The following NXPE4 variants were observed in gnomAD, a reference collection of about 807,000 sequenced individuals.
NXPE4 encodes neurexophilin and PC-esterase domain family member 4, also known as NXPE family member 4.
Under a neutral mutation model 33.3 loss-of-function variants are expected in NXPE4, and 42 were observed. The ratio of observed to expected loss-of-function variants is 1.26; its 90% CI spans 0.98 to 1.63. NXPE4 has a LOEUF of 1.63. Ranked by LOEUF, NXPE4 falls within the 40% of genes most tolerant of loss-of-function variation. NXPE4 has a pLI of 0.00. For synonymous variants in NXPE4, 253 were observed against 234.9 expected, an observed-to-expected ratio of 1.08 and a Z score of -0.71; for missense variants, 709 against 647.6, an observed-to-expected ratio of 1.09 and a Z score of -1.03.
chr11:114,608,777 C>T, the NXPE4 span, among the ~76,000 whole-genome samples: 4 of 150,430 alleles, frequency 2.7e-5, no homozygotes, highest in African/African-American at 9.8e-5. Context: ...TCATGGATAA[C>T]CACGGTTACC....
chr11:114,581,532 T>A (rs929688851), intron 4 of NXPE4, among the ~76,000 whole-genome samples, 193 bp downstream of exon 4: 4 of 152,208 alleles, frequency 2.6e-5, no homozygotes, highest in South Asian at 4.1e-4. Flanking sequence ...TTACAGTTAC[T>A]AAAATAGGCT....
chr11:114,613,464 CATA>C, the NXPE4 span, among the ~76,000 whole-genome samples: 1 of 150,444 alleles, frequency 6.6e-6, no homozygotes. Flanking sequence ...TTACCTGCTG[CATA>C]ATAAGTATTG....
chr11:114,590,390 C>G (rs1051401643), intron 2 of NXPE4, among the ~76,000 whole-genome samples: 2 of 152,168 alleles, frequency 1.3e-5, no homozygotes, highest in African/African-American at 4.8e-5. Context: ...CTCCTTCCCC[C>G]TCCCTAAAAT....
chr11:114,626,230 G>C, the NXPE4 span, among the ~76,000 whole-genome samples: 10 of 152,212 alleles, frequency 6.6e-5, no homozygotes, highest in Non-Finnish European at 1.5e-4. Flanking sequence ...GCAGGGCACA[G>C]ACAAACAAAA....
chr11:114,574,789 C>A (rs1948961138), intron 5 of NXPE4, among the ~76,000 whole-genome samples: 1 of 151,960 alleles, frequency 6.6e-6, no homozygotes, highest in South Asian at 2.1e-4. Context: ...AAATCCTATT[C>A]ACACTATTCC....
In NXPE4 at chr11:114,571,425, A is replaced by G. The variant is rs1313388666; in HGVS notation, c.1148T>C (p.Leu383Pro). ...LHESGKLQHQLAVDLDRNINI... is the reference protein window; with the variant it reads ...LHESGKLQHQPAVDLDRNINI... ...GATGTTCCTATCCAAATCCACAGCA[A>G]GCTGGTGTTGCAATTTTCCAGATTC... The change falls in exon 6 of 6, where the codon CTT becomes CCT. Residue 383 changes from leucine to proline, a missense_variant. Transcript: ENST00000375478. The G allele has an allele frequency of 1.2e-6, 2 of 1,611,562 alleles. No homozygotes were observed. The highest frequency in any genetic ancestry group is 1.1e-5 in the South Asian group (1 of 91,006).
chr11:114,610,314 G>A, the NXPE4 span, among the ~76,000 whole-genome samples: 1 of 151,444 alleles, frequency 6.6e-6, no homozygotes, highest in Non-Finnish European at 1.5e-5. Flanking sequence ...TGTAACCACT[G>A]TTATCCGGTG....
intron 2 of NXPE4, among the ~76,000 whole-genome samples, chr11:114,593,140 C>G (rs553865103): frequency 6.6e-6 from 1 of 152,162 alleles, no homozygotes; most frequent in South Asian, 2.1e-4. Context: ...GATAAGACCT[C>G]AAATGCACAG....
intron 5 of NXPE4, among the ~76,000 whole-genome samples, chr11:114,579,915 AG>A (rs1949096403): frequency 6.6e-6 from 1 of 152,180 alleles, no homozygotes; most frequent in Non-Finnish European, 1.5e-5. Flanking sequence ...CTGCAGAGAT[AG>A]GGATGTAATA....
chr11:114,600,726 G>A (rs1349032213), upstream of NXPE4, among the ~76,000 whole-genome samples: 3 of 151,970 alleles, frequency 2.0e-5, no homozygotes, highest in Non-Finnish European at 2.9e-5. Context: ...AAAAAAGTCT[G>A]TAATTTCACT....
In NXPE4 at chr11:114,592,725, A is replaced by G. The variant is rs561724052; in HGVS notation, c.96+1939T>C. 9.8e-5 allele frequency among the ~76,000 whole-genome samples: 15 copies of G among 152,314 alleles called. 1 individual carries two copies. The South Asian group carries it at 2.9e-3, about 29-fold the overall frequency. The stretch of plus-strand genomic sequence containing the variant: ...AAAGAAGATCCAGAATAGCCAAAGC[A>G]ATTCTGAGCAAAAAGAACAAAGCTG... On this transcript the variant is annotated intron_variant, in intron 2 of 5. Transcript: ENST00000375478.
chr11:114,656,955 G>A, the NXPE4 span, among the ~76,000 whole-genome samples: 3 of 152,088 alleles, frequency 2.0e-5, no homozygotes, highest in Non-Finnish European at 4.4e-5. Flanking sequence ...TTAGCCAGGC[G>A]TGGTGGTGGA....
chr11:114,666,384 AT>A, the NXPE4 span, among the ~76,000 whole-genome samples: 5 of 152,068 alleles, frequency 3.3e-5, no homozygotes, highest in East Asian at 1.9e-4. Flanking sequence ...GGGATGAAAG[AT>A]TTTTTTTCCC....
the NXPE4 span, among the ~76,000 whole-genome samples, chr11:114,672,693 A>G: frequency 6.6e-6 from 1 of 151,966 alleles, no homozygotes; most frequent in Non-Finnish European, 1.5e-5. Context: ...TTTAAAAGCC[A>G]TAATGTCACC....
the NXPE4 span, among the ~76,000 whole-genome samples, chr11:114,603,154 C>T: frequency 2.2e-4 from 33 of 151,426 alleles, no homozygotes; most frequent in African/African-American, 6.8e-4. Context: ...GCCTTGTCTC[C>T]TAGGTAACTA....
chr11:114,630,058 G>C, the NXPE4 span, among the ~76,000 whole-genome samples: 1 of 151,550 alleles, frequency 6.6e-6, no homozygotes, highest in East Asian at 1.9e-4. Flanking sequence ...CATGCTCATG[G>C]GTAGGAAGAA....
At chr11:114,574,063 C>G (rs1189684386) in intron 5 of NXPE4, among the ~76,000 whole-genome samples, 1 of 152,030 alleles carries the variant, frequency 6.6e-6, no homozygotes, top group Admixed American at 6.6e-5. Flanking sequence ...AAGGAACCCT[C>G]AAAACCATGC....
the NXPE4 span, among the ~76,000 whole-genome samples, chr11:114,636,503 A>G: frequency 2.2e-4 from 34 of 151,792 alleles, no homozygotes; most frequent in African/African-American, 8.2e-4. Flanking sequence ...GCCTTCTGCT[A>G]GCTTTTGAAT....
chr11:114,583,970 AT>A, intron 2 of NXPE4: 2 of 376,034 alleles, frequency 5.3e-6, no homozygotes, highest in Non-Finnish European at 1.0e-5. Flanking sequence ...CTATGAGGCC[AT>A]TTTCAAACTG....
Sources: allele counts gnomAD v4.1 joint callset (sites outside exome capture counted in the v4.1 genomes callset), GRCh38; gene constraint gnomAD v4.1.1; transcripts MANE v1.5; gene names NCBI Gene and HGNC (gene_info 2026-07-23, HGNC 2026-07-21).